Variants in RPIA observed in about 807,000 individuals in gnomAD.
The protein encoded by RPIA is ribose-5-phosphate isomerase.
In RPIA, 29 loss-of-function variants were observed where a neutral mutation model predicts 37.8. The ratio of observed to expected loss-of-function variants is 0.77; its 90% CI spans 0.57 to 1.05. RPIA has a LOEUF of 1.05. Among genes scored for constraint, RPIA ranks in the 50% least tolerant of loss-of-function variants. The pLI, the probability that RPIA is intolerant of heterozygous loss-of-function variation, is 0.00. For missense variants in RPIA, 385 were observed against 413.6 expected, an observed-to-expected ratio of 0.93 and a Z score of 0.60; for synonymous variants, 167 against 157.0, an observed-to-expected ratio of 1.06 and a Z score of -0.48.
chr2:88,737,080 C>G (rs1466261911), intron 7 of RPIA, among the ~76,000 whole-genome samples: 3 of 152,118 alleles, frequency 2.0e-5, no homozygotes, highest in Non-Finnish European at 4.4e-5. Flanking sequence ...CCTCTTCTTT[C>G]CTCTCATTCT....
rs1181700053 is a variant in RPIA, at chr2:88,750,160, TA to T, written c.*84del. The T allele has an allele frequency of 1.1e-6, 1 of 950,444 alleles. No individual in the cohort carries two copies. Among genetic ancestry groups the T allele is most frequent in the African/African-American group, 1.6e-5 (1 of 61,750 alleles). The allele number at this position is 950,444 out of a possible 1,614,324, so 58.9% of individuals were successfully genotyped here. A position where few individuals can be genotyped will look rare whatever the true frequency, so the allele number is the denominator to read the frequency against. ...CGTACCTCTCCAGGAGCCTTTGCCT[TA>T]ATGTATCTCTGCCTGGACAACTTGT... On this transcript the variant is annotated 3_prime_UTR_variant, in exon 9 of 9. Coordinates refer to ENST00000283646, the MANE Select transcript of RPIA (RefSeq NM_144563.3).
Position 88,750,675 on chromosome 2 carries a change from ATGT to A in RPIA, c.*602_*604del, listed in dbSNP as rs371885783. ...TGGAATGTAAGCTGTCAGGGAGAAAATGTTGTTACACTTTTGCTAAGATCTGGG... is the reference window on the plus strand; with the variant it reads ...TGGAATGTAAGCTGTCAGGGAGAAAATGTTACACTTTTGCTAAGATCTGGG... On this transcript the variant is annotated 3_prime_UTR_variant, in exon 9 of 9. Transcript: ENST00000283646. 17,509 of 399,594 alleles carry A rather than the reference ATGT, an allele frequency of 0.044. 699 individuals are homozygous for A. The highest frequency in any genetic ancestry group is 0.14 in the African/African-American group (6,992 of 48,684). The allele number at this position is 399,594 out of a possible 1,614,324, so 24.8% of individuals were successfully genotyped here. A position where few individuals can be genotyped will look rare whatever the true frequency, so the allele number is the denominator to read the frequency against.
At chr2:88,696,996 T>TA (rs1197184368) in intron 1 of RPIA, among the ~76,000 whole-genome samples, 6 of 152,186 alleles carry the variant, frequency 3.9e-5, no homozygotes, top group South Asian at 2.1e-4. Context: ...TCATATGTAG[T>TA]AAAAAAATCT....
At chr2:88,692,373 C>T (rs1276368749) in intron 1 of RPIA, among the ~76,000 whole-genome samples, 2 of 152,092 alleles carry the variant, frequency 1.3e-5, no homozygotes, top group African/African-American at 4.8e-5. Flanking sequence ...TCTTTACTGA[C>T]CCGGAAGCCG....
chr2:88,712,696 G>A (rs1338543737), intron 3 of RPIA, among the ~76,000 whole-genome samples: 3 of 152,088 alleles, frequency 2.0e-5, no homozygotes, highest in East Asian at 3.8e-4. Context: ...GTTTTTTCCA[G>A]CACAGTGGGT....
chr2:88,708,599 C>T (rs939436061), intron 3 of RPIA, among the ~76,000 whole-genome samples: 3 of 152,134 alleles, frequency 2.0e-5, no homozygotes, highest in African/African-American at 2.4e-5. Flanking sequence ...AAAGTTGGTT[C>T]ATATAAATTG....
chr2:88,706,942 G>GT (rs1672905545), intron 3 of RPIA, among the ~76,000 whole-genome samples: 1 of 152,192 alleles, frequency 6.6e-6, no homozygotes. Flanking sequence ...TGCTAATGCT[G>GT]TAAGAGTACA....
At chr2:88,695,130 A>G (rs954139941) in intron 1 of RPIA, among the ~76,000 whole-genome samples, 15 of 152,144 alleles carry the variant, frequency 9.9e-5, no homozygotes, top group Non-Finnish European at 1.5e-4. Context: ...GCCTTTACCT[A>G]TGCATCTCTT....
At chr2:88,707,082 C>T (rs1266349082) in intron 3 of RPIA, among the ~76,000 whole-genome samples, 1 of 152,208 alleles carries the variant, frequency 6.6e-6, no homozygotes, top group Admixed American at 6.5e-5. Context: ...ACTTCAGTTT[C>T]CATTTGGATT....
chr2:88,724,551 T>G (rs527936441), intron 3 of RPIA, among the ~76,000 whole-genome samples: 1 of 152,240 alleles, frequency 6.6e-6, no homozygotes, highest in East Asian at 1.9e-4. Context: ...TCAGGTGATC[T>G]GCCCACCTCG....
At chr2:88,734,406 G>A (rs986095430) in intron 4 of RPIA, 146 bp from the exon 5 acceptor site, 15 of 768,310 alleles carry the variant, frequency 2.0e-5, no homozygotes, top group Admixed American at 1.2e-4. Context: ...TTAACCTCTT[G>A]TAGCTCAATT....
chr2:88,728,382 A>G (rs1469810113), intron 3 of RPIA, among the ~76,000 whole-genome samples: 1 of 152,208 alleles, frequency 6.6e-6, no homozygotes, highest in East Asian at 1.9e-4. Context: ...AAAAATTGCC[A>G]AGGGTCACAG....
intron 3 of RPIA, among the ~76,000 whole-genome samples, chr2:88,703,246 G>A (rs1045227522): frequency 1.6e-4 from 25 of 152,168 alleles, no homozygotes; most frequent in African/African-American, 5.6e-4. Flanking sequence ...GAGGACAGTG[G>A]CCCTTTTCTC....
In RPIA at chr2:88,721,574, C is replaced by CA. The variant is rs1558694815; in HGVS notation, c.403-7704_403-7703insA. Among the ~76,000 whole-genome samples the CA allele has an allele frequency of 1.2e-4, 6 of 48,036 alleles. 1 individual carries two copies. The allele number at this position is 48,036 out of a possible 152,430, so 31.5% of individuals were successfully genotyped here. On this transcript the variant is annotated intron_variant, in intron 3 of 8. Transcript: ENST00000283646. Reference sequence around the variant, plus strand: ...ACACACACACACACACACACACACCCCCCCCCCCACATGCACACATGTTTT... The same window carrying CA: ...ACACACACACACACACACACACACCCACCCCCCCCACATGCACACATGTTTT...
intron 3 of RPIA, among the ~76,000 whole-genome samples, chr2:88,700,819 T>C (rs1041180702): frequency 1.3e-5 from 2 of 152,194 alleles, no homozygotes; most frequent in African/African-American, 2.4e-5. Context: ...GTTGCTCAGA[T>C]GGAGCCAATT....
intron 3 of RPIA, among the ~76,000 whole-genome samples, chr2:88,720,209 T>A (rs781098751): frequency 1.3e-5 from 2 of 152,020 alleles, no homozygotes; most frequent in Non-Finnish European, 1.5e-5. Flanking sequence ...TACAAAAAGA[T>A]ACGTGGATGT....
At chr2:88,742,998 C>T (rs896417532) in intron 8 of RPIA, among the ~76,000 whole-genome samples, 14 of 151,856 alleles carry the variant, frequency 9.2e-5, no homozygotes, top group African/African-American at 1.5e-4. Context: ...GAACAGCAAC[C>T]GTTTGACTTC....
At chr2:88,719,887 G>A (rs138251279) in intron 3 of RPIA, among the ~76,000 whole-genome samples, 6 of 152,282 alleles carry the variant, frequency 3.9e-5, no homozygotes, top group African/African-American at 1.4e-4. Context: ...TGCTGGTCTT[G>A]CATCAGTGTG....
In RPIA at chr2:88,750,497, C is replaced by T. The variant is rs1402449628; in HGVS notation, c.*419C>T. ...AAGTGAGGGGCCCACCAGCAGTGAT[C>T]TCCTGATGCCTTACTGGAAACTTTG... On this transcript the variant is annotated 3_prime_UTR_variant, in exon 9 of 9. Transcript: ENST00000283646. The T allele has an allele frequency of 2.4e-6, 1 of 423,382 alleles. No individual in the cohort carries two copies. Among genetic ancestry groups the T allele is most frequent in the Non-Finnish European group, 4.2e-6 (1 of 240,508 alleles). 26.2% of individuals were successfully genotyped at this position (423,382 alleles called of 1,614,324 possible). A position where few individuals can be genotyped will look rare whatever the true frequency, so the allele number is the denominator to read the frequency against.
Sources: gnomAD v4.1 joint callset for allele counts (sites outside exome capture counted in the v4.1 genomes callset) on GRCh38, gnomAD v4.1.1 for gene constraint, MANE v1.5 for transcripts, NCBI Gene and HGNC (gene_info 2026-07-23, HGNC 2026-07-21) for gene names.